Variants in AKAP13 observed in about 807,000 individuals in gnomAD.
AKAP13 encodes the protein A-kinase anchor protein 13.
A neutral mutation model predicts 264.5 loss-of-function variants in AKAP13; 80 were observed. That is an observed-to-expected ratio of 0.30 (90% CI 0.25 to 0.36). The LOEUF is 0.36. AKAP13 is among the 10% of genes least tolerant of loss of function. The pLI, the probability that AKAP13 is intolerant of heterozygous loss-of-function variation, is 1.00. For synonymous variants in AKAP13, 1,380 were observed against 1,250.2 expected, an observed-to-expected ratio of 1.10 and a Z score of -2.19; for missense variants, 3,712 against 3,435.2, an observed-to-expected ratio of 1.08 and a Z score of -2.01.
intron 2 of AKAP13, among the ~76,000 whole-genome samples, chr15:85,508,399 T>C (rs2076305695): frequency 6.6e-6 from 1 of 152,118 alleles, no homozygotes; most frequent in African/African-American, 2.4e-5. Flanking sequence ...TGCCTCGGCC[T>C]CCCAAAGTGC....
At chr15:85,444,617 T>G (rs1388871991) in intron 1 of AKAP13, among the ~76,000 whole-genome samples, 1 of 152,160 alleles carries the variant, frequency 6.6e-6, no homozygotes, top group Admixed American at 6.6e-5. Context: ...AAAAACTCAA[T>G]GTAATCTTTT....
intron 2 of AKAP13, among the ~76,000 whole-genome samples, chr15:85,506,909 C>G (rs1291151312): frequency 6.6e-6 from 1 of 152,132 alleles, no homozygotes; most frequent in African/African-American, 2.4e-5. Context: ...TTGAATACAC[C>G]GTGTTTGTTC....
chr15:85,592,601 A>G (rs1309226838), intron 8 of AKAP13, among the ~76,000 whole-genome samples: 1 of 152,214 alleles, frequency 6.6e-6, no homozygotes, highest in Non-Finnish European at 1.5e-5. Flanking sequence ...TTGGCATGTA[A>G]GAGAGGCAGG....
At chr15:85,627,062 C>A (rs1186480564) in intron 8 of AKAP13, among the ~76,000 whole-genome samples, 1 of 152,144 alleles carries the variant, frequency 6.6e-6, no homozygotes, top group African/African-American at 2.4e-5. Context: ...TTCCAAACCA[C>A]CCCATCTGCG....
At chr15:85,679,420 A>G (rs115530871) in intron 14 of AKAP13, among the ~76,000 whole-genome samples, 2,095 of 152,274 alleles carry the variant, frequency 0.014, 59 homozygotes, top group African/African-American at 0.048. Context: ...TACTAGTAAG[A>G]ATTATGTGTG....
Position 85,715,790 on chromosome 15 carries a change from T to C in AKAP13, c.5602T>C (p.Ser1868Pro), listed in dbSNP as rs1394883856. The change falls in exon 20 of 37, where the codon TCA becomes CCA. Residue 1868 changes from serine (S) to proline (P), a missense_variant and splice_region_variant. Around this residue, in one of 3 missense-constraint regions of AKAP13, gnomAD observed 2,759 missense variants for 2,411.7 expected, o/e 1.14. Transcript: ENST00000394518. ...LPTVIMRNKP[S>P]QPKERPRSAV... ...CAGTTAGTGTCCTCCTTTTGCAGCC[T>C]CACAGCCCAAGGAGCGTCCTCGGTC... is the stretch of plus-strand genomic sequence containing the variant. 2 of 1,608,942 alleles carry C rather than the reference T, an allele frequency of 1.2e-6. No homozygotes were observed. Among genetic ancestry groups the C allele is most frequent in the South Asian group, 1.1e-5 (1 of 90,404 alleles).
intron 16 of AKAP13, among the ~76,000 whole-genome samples, chr15:85,687,818 C>A (rs1333584646): frequency 6.6e-6 from 1 of 152,044 alleles, no homozygotes; most frequent in Non-Finnish European, 1.5e-5. Flanking sequence ...ATGAGAAGAT[C>A]ACTTGAGACC....
At chr15:85,693,729 G>A (rs2085417270) in intron 17 of AKAP13, among the ~76,000 whole-genome samples, 1 of 152,168 alleles carries the variant, frequency 6.6e-6, no homozygotes, top group Non-Finnish European at 1.5e-5. Context: ...TACACGTTCA[G>A]TAGAAACTGT....
At chr15:85,730,037 A>G (rs1168597692) in intron 29 of AKAP13, among the ~76,000 whole-genome samples, 1 of 152,218 alleles carries the variant, frequency 6.6e-6, no homozygotes, top group Non-Finnish European at 1.5e-5. Context: ...TGCAGATGGC[A>G]GATCTGTAAA....
chr15:85,439,305 A>C (rs2073503491), intron 1 of AKAP13, among the ~76,000 whole-genome samples: 2 of 147,202 alleles, frequency 1.4e-5, no homozygotes, highest in Admixed American at 6.7e-5. Context: ...GCAATCATTA[A>C]AAAGTCAGGA....
chr15:85,595,246 C>T (rs772772872), intron 8 of AKAP13, among the ~76,000 whole-genome samples: 3 of 151,728 alleles, frequency 2.0e-5, no homozygotes, highest in Admixed American at 6.6e-5. Context: ...ACCACAGGTG[C>T]GAGCCACCAC....
At chr15:85,550,142 C>G (rs958573769) in intron 5 of AKAP13, among the ~76,000 whole-genome samples, 1 of 152,138 alleles carries the variant, frequency 6.6e-6, no homozygotes, top group African/African-American at 2.4e-5. Context: ...GTCTCGATTT[C>G]GTGACCTCGT....
At chr15:85,589,115 T>C (rs2079481091) in intron 8 of AKAP13, among the ~76,000 whole-genome samples, 1 of 152,190 alleles carries the variant, frequency 6.6e-6, no homozygotes, top group Non-Finnish European at 1.5e-5. Context: ...AAACTTGCCT[T>C]ATTTGCTGTG....
At chr15:85,537,731 C>T (rs8039929) in intron 4 of AKAP13, among the ~76,000 whole-genome samples, 72,929 of 152,054 alleles carry the variant, frequency 0.48, 18,101 homozygotes, top group Middle Eastern at 0.61. Flanking sequence ...GCAAAATACT[C>T]AATCTCTCTG....
At chr15:85,674,865 T>A (rs930985355) in intron 14 of AKAP13, among the ~76,000 whole-genome samples, 30 of 151,340 alleles carry the variant, frequency 2.0e-4, no homozygotes, top group Non-Finnish European at 1.3e-4. Flanking sequence ...TATATGTGAA[T>A]ATATATATAT....
At chr15:85,529,913 TTA>T in intron 3 of AKAP13, among the ~76,000 whole-genome samples, 1 of 152,366 alleles carries the variant, frequency 6.6e-6, no homozygotes, top group Admixed American at 6.5e-5. Flanking sequence ...CATATTTTAC[TTA>T]TGATGATTCA....
chr15:85,493,604 G>A (rs962020585), intron 2 of AKAP13, among the ~76,000 whole-genome samples: 2 of 152,134 alleles, frequency 1.3e-5, no homozygotes, highest in African/African-American at 4.8e-5. Flanking sequence ...TTGAAGAAGC[G>A]TACTAGAAAT....
chr15:85,741,988 C>T (rs1481557864), intron 35 of AKAP13, among the ~76,000 whole-genome samples: 4 of 152,078 alleles, frequency 2.6e-5, no homozygotes, highest in East Asian at 1.9e-4. Flanking sequence ...GGGATTGCAG[C>T]GAGCCGAGAT....
At chr15:85,566,614 G>T (rs887764782) in intron 5 of AKAP13, among the ~76,000 whole-genome samples, 1 of 143,832 alleles carries the variant, frequency 7.0e-6, no homozygotes, top group Non-Finnish European at 1.5e-5. Flanking sequence ...TTAGAAAAAA[G>T]AAAATAACTT....
Sources: allele counts gnomAD v4.1 joint callset (sites outside exome capture counted in the v4.1 genomes callset), GRCh38; gene constraint gnomAD v4.1.1; regional missense constraint gnomAD v4.1.1; transcripts MANE v1.5; gene names NCBI Gene and HGNC (gene_info 2026-07-23, HGNC 2026-07-21).